The following OR51A7 variants were observed in gnomAD, a reference collection of about 807,000 sequenced individuals.
OR51A7 encodes the protein olfactory receptor 51A7.
For missense variants in OR51A7, 409 were observed against 374.5 expected, an observed-to-expected ratio of 1.09 and a Z score of -0.76; for synonymous variants, 143 against 135.5, an observed-to-expected ratio of 1.05 and a Z score of -0.38.
In OR51A7 at chr11:4,907,745, A is replaced by G. The variant is rs1850922005; in HGVS notation, c.376A>G (p.Ile126Val). The G allele has an allele frequency of 1.2e-6, 2 of 1,614,098 alleles. No homozygotes were observed. Among genetic ancestry groups the G allele is most frequent in the Non-Finnish European group, 1.7e-6 (2 of 1,180,024 alleles). The change falls in exon 2 of 2, where the codon ATT becomes GTT. Residue 126 changes from isoleucine to valine, a missense_variant. Ile to Val is a conservative substitution (Grantham distance 29, BLOSUM62 3). Transcript: ENST00000641490. ...LIMSLDRFLA[I>V]HNPLRYSSIL... ...TATGTCTTTGGACCGCTTTCTTGCC[A>G]TTCACAATCCCTTAAGATACAGTTC...
In OR51A7 at chr11:4,907,095, T is replaced by TAAAAAAAAAAAAAAGAA. The variant is rs563044519; in HGVS notation, c.-31-230_-31-229insGAAAAAAAAAAAAAAAA. Among the ~76,000 whole-genome samples the TAAAAAAAAAAAAAAGAA allele has an allele frequency of 2.2e-4, 12 of 55,126 alleles. No individual in the cohort carries two copies. The East Asian group carries it at 5.5e-3, about 25-fold the overall frequency. The allele number at this position is 55,126 out of a possible 152,430, so 36.2% of individuals were successfully genotyped here. On this transcript the variant is annotated intron_variant, in intron 1 of 1. Coordinates refer to ENST00000641490, the MANE Select transcript of OR51A7 (RefSeq NM_001004749.2). ...TGGGCAACAAGAGCAAAACTCCCTC[T>TAAAAAAAAAAAAAAGAA]AAAAAAAAAAAAAAAAAAAATCCTA...
At position 4,907,984 on chromosome 11, in the gene OR51A7, T is replaced by G. The variant is rs755969394; in HGVS notation, c.615T>G (p.Cys205Trp). Residue 205 changes from cysteine (C) to tryptophan (W), a missense_variant, in exon 2 of 2, where the codon TGT (cysteine) becomes TGG (tryptophan). Coordinates refer to ENST00000641490, the MANE Select transcript of OR51A7 (RefSeq NM_001004749.2). ...TCTATGGCTTCTTCATTGCTCTCTG[T>G]ACTATGCTGGACTTGGCACTGATTG... ...NVIYGFFIAL[C>W]TMLDLALIVL... 1.2e-6 allele frequency: 2 copies of G among 1,614,210 alleles called. No homozygotes were observed. Among genetic ancestry groups the G allele is most frequent in the South Asian group, 2.2e-5 (2 of 91,088 alleles).
intron 1 of OR51A7, among the ~76,000 whole-genome samples, chr11:4,905,436 T>TA (rs1055143469): frequency 6.6e-5 from 10 of 152,134 alleles, no homozygotes; most frequent in Non-Finnish European, 1.5e-4. Flanking sequence ...AATTATCCTC[T>TA]AAAAAATCAC....
rs138044246 is a variant in OR51A7 at position 4,909,138 on chromosome 11, G to A, written c.*830G>A. ...TTTCTGTGATTTAGTCTTTCCCTGC[G>A]CCTTAAAAAAAATCAGCCCCTCTAA... On this transcript the variant is annotated 3_prime_UTR_variant, in exon 2 of 2. Transcript: ENST00000641490. 8.6e-5 allele frequency: 13 copies of A among 151,582 alleles called. No homozygotes were observed. The highest frequency in any genetic ancestry group is 2.2e-4 in the African/African-American group (9 of 41,302). 9.4% of individuals were successfully genotyped at this position (151,582 alleles called of 1,614,324 possible).
chr11:4,905,889 T>A (rs1850880452), intron 1 of OR51A7, among the ~76,000 whole-genome samples: 1 of 152,212 alleles, frequency 6.6e-6, no homozygotes, highest in Non-Finnish European at 1.5e-5. Flanking sequence ...AATCAGGTTC[T>A]GTTTATTATG....
intron 1 of OR51A7, among the ~76,000 whole-genome samples, chr11:4,905,098 T>G (rs191025941): frequency 4.6e-4 from 70 of 152,268 alleles, no homozygotes; most frequent in African/African-American, 1.7e-3. Context: ...AAGAGTTAAG[T>G]GCATTCAGAG....
Position 4,907,979 on chromosome 11 carries a change from C to T in OR51A7, c.610C>T (p.Leu204Phe), listed in dbSNP as rs866063215. Residue 204 changes from leucine (L) to phenylalanine (F), a missense_variant, in exon 2 of 2, where the codon CTC becomes TTC. Physicochemically the swap from Leu to Phe is conservative, Grantham distance 22. Transcript: ENST00000641490. Reference sequence around the variant, plus strand: ...TGTCATCTATGGCTTCTTCATTGCTCTCTGTACTATGCTGGACTTGGCACT... The same window carrying T: ...TGTCATCTATGGCTTCTTCATTGCTTTCTGTACTATGCTGGACTTGGCACT... ...TNVIYGFFIA[L>F]CTMLDLALIV... 6.2e-7 allele frequency: 1 copy of T among 1,614,170 alleles called. No homozygotes were observed. Among genetic ancestry groups the T allele is most frequent in the Middle Eastern group, 1.6e-4 (1 of 6,062 alleles).
Position 4,907,469 on chromosome 11 carries a change from A to C in OR51A7, c.100A>C (p.Met34Leu). ...HIWFSIPICL[M>L]YLLAIMGNCT... is the part of the protein sequence containing the mutation. Reference sequence around the variant, plus strand: ...TTGGTTCTCCATCCCCATTTGCCTCATGTACCTGCTTGCCATCATGGGCAA... The same window carrying C: ...TTGGTTCTCCATCCCCATTTGCCTCCTGTACCTGCTTGCCATCATGGGCAA... Residue 34 changes from methionine (M) to leucine (L), a missense_variant, in exon 2 of 2, where the codon ATG (methionine) becomes CTG (leucine). Transcript: ENST00000641490. 6.2e-7 allele frequency: 1 copy of C among 1,613,870 alleles called. No homozygotes were observed. The highest frequency in any genetic ancestry group is 8.5e-7 in the Non-Finnish European group (1 of 1,179,898).
Position 4,908,164 on chromosome 11 carries a change from G to T in OR51A7, c.795G>T (p.Lys265Asn). 6.2e-7 allele frequency: 1 copy of T among 1,614,158 alleles called. No homozygotes were observed. The highest frequency in any genetic ancestry group is 1.6e-4 in the Middle Eastern group (1 of 6,062). Residue 265 changes from lysine to asparagine, a missense_variant, in exon 2 of 2, where the codon AAG becomes AAT. Transcript: ENST00000641490. ...TGGCTGCCATGCATCACTTTGCCAA[G>T]CACAAAAGCCCTCTTGTTGTGATCC... is the stretch of plus-strand genomic sequence containing the variant. ...ITLAAMHHFA[K>N]HKSPLVVILI...
rs547257209 is a variant in OR51A7, at chr11:4,905,961, AGCATTTATTTGACTAAATAT to A, written c.-31-1361_-31-1342del. Among the ~76,000 whole-genome samples, 70 of 152,288 alleles carry A rather than the reference AGCATTTATTTGACTAAATAT, an allele frequency of 4.6e-4. 2 individuals are homozygous for A. The South Asian group carries it at 0.013, about 27-fold the overall frequency. On this transcript the variant is annotated intron_variant, in intron 1 of 1. Transcript: ENST00000641490. ...TGGGTGGTTTGGATTTTTTTCATTT[AGCATTTATTTGACTAAATAT>A]GCATTTATTTGACTAATTTCTCTGA...
chr11:4,906,622 T>C (rs1850893675), intron 1 of OR51A7, among the ~76,000 whole-genome samples: 1 of 152,208 alleles, frequency 6.6e-6, no homozygotes, highest in South Asian at 2.1e-4. Flanking sequence ...TCTCTGATTA[T>C]TTTCTTAGAC....
At chr11:4,905,212 A>G (rs1313400784) in intron 1 of OR51A7, among the ~76,000 whole-genome samples, 1 of 152,118 alleles carries the variant, frequency 6.6e-6, no homozygotes, top group Non-Finnish European at 1.5e-5. Flanking sequence ...ACATCTCACA[A>G]TCTGCTACCG....
At chr11:4,906,764 A>G (rs956948249) in intron 1 of OR51A7, among the ~76,000 whole-genome samples, 1 of 152,164 alleles carries the variant, frequency 6.6e-6, no homozygotes, top group African/African-American at 2.4e-5. Context: ...AAGCAGCTCC[A>G]TTTTGATATG....
chr11:4,905,241 C>A (rs183293063), intron 1 of OR51A7, among the ~76,000 whole-genome samples: 1 of 152,098 alleles, frequency 6.6e-6, no homozygotes, highest in Admixed American at 6.5e-5. Flanking sequence ...TTATACTTAC[C>A]CTGGGTTTTG....
Position 4,907,637 on chromosome 11 carries a change from A to G in OR51A7, c.268A>G (p.Met90Val), listed in dbSNP as rs759059999. Reference sequence around the variant, plus strand: ...GTTGAGGGTCTTCTTGTTCAATGCCATGGGAATTTCACCTAATGCCTGCTT... The same window carrying G: ...GTTGAGGGTCTTCTTGTTCAATGCCGTGGGAATTTCACCTAATGCCTGCTT... The part of the protein sequence containing the change: ...TMLRVFLFNA[M>V]GISPNACFAQ... The change falls in exon 2 of 2, where the codon ATG becomes GTG. Residue 90 changes from methionine to valine, a missense_variant. Physicochemically the swap from Met to Val is conservative, Grantham distance 21 (BLOSUM62 1). Transcript: ENST00000641490. 27 of 1,613,944 alleles carry G rather than the reference A, an allele frequency of 1.7e-5. 1 individual carries two copies. The South Asian group carries it at 2.9e-4, about 17-fold the overall frequency.
rs567574105 is a variant in OR51A7, at chr11:4,907,470, T to G, written c.101T>G (p.Met34Arg). The G allele has an allele frequency of 2.5e-6, 4 of 1,613,974 alleles. No homozygotes were observed. Among genetic ancestry groups the G allele is most frequent in the Non-Finnish European group, 3.4e-6 (4 of 1,179,936 alleles). The change falls in exon 2 of 2, where the codon ATG (methionine) becomes AGG (arginine). Residue 34 changes from methionine (M) to arginine (R), a missense_variant. Met to Arg is a moderately conservative substitution (Grantham distance 91, BLOSUM62 -1). Transcript: ENST00000641490. Reference sequence around the variant, plus strand: ...TGGTTCTCCATCCCCATTTGCCTCATGTACCTGCTTGCCATCATGGGCAAC... The same window carrying G: ...TGGTTCTCCATCCCCATTTGCCTCAGGTACCTGCTTGCCATCATGGGCAAC... ...HIWFSIPICLMYLLAIMGNCT... is the reference protein window; with the variant it reads ...HIWFSIPICLRYLLAIMGNCT...
chr11:4,904,004 G>T (rs974839000), intron 1 of OR51A7, among the ~76,000 whole-genome samples, 160 bp downstream of exon 1: 26 of 151,980 alleles, frequency 1.7e-4, no homozygotes, highest in African/African-American at 5.8e-4. Flanking sequence ...TATCAGTAGA[G>T]ATTTATTTAC....
intron 1 of OR51A7, among the ~76,000 whole-genome samples, chr11:4,905,215 T>C (rs1344723749): frequency 6.6e-6 from 1 of 152,128 alleles, no homozygotes; most frequent in East Asian, 1.9e-4. Context: ...TCTCACAATC[T>C]GCTACCGTCT....
chr11:4,907,019 G>A (rs1303308991), intron 1 of OR51A7, among the ~76,000 whole-genome samples: 14 of 148,280 alleles, frequency 9.4e-5, no homozygotes, highest in Admixed American at 4.8e-4. Context: ...TCACTTGATC[G>A]CGGGAGGTGG....
Sources: gnomAD v4.1 joint callset for allele counts (sites outside exome capture counted in the v4.1 genomes callset) on GRCh38, gnomAD v4.1.1 for gene constraint, MANE v1.5 for transcripts, NCBI Gene and HGNC (gene_info 2026-07-23, HGNC 2026-07-21) for gene names.